NHSL2: variants seen among roughly 807,000 people sequenced by gnomAD.
The protein encoded by NHSL2 is NHS-like protein 2.
In NHSL2, 27 loss-of-function variants were observed where a neutral mutation model predicts 53.4. The observed-to-expected ratio is 0.51, with a 90% CI of 0.37 to 0.70. The LOEUF (loss-of-function observed/expected upper bound fraction) is 0.70, where lower values mean the gene tolerates loss of function less well. Among genes scored for constraint, NHSL2 ranks in the 30% least tolerant of loss-of-function variants. The pLI, the probability that NHSL2 is intolerant of heterozygous loss-of-function variation, is 0.00. For synonymous variants in NHSL2, 408 were observed against 404.1 expected, an observed-to-expected ratio of 1.01 and a Z score of -0.12; for missense variants, 892 against 980.1, an observed-to-expected ratio of 0.91 and a Z score of 1.20.
intron 1 of NHSL2, among the ~76,000 whole-genome samples, chrX:72,056,343 A>T (rs2042369089): frequency 8.9e-6 from 1 of 112,006 alleles, no homozygotes; most frequent in Admixed American, 9.4e-5. Flanking sequence ...TCCCTACAGT[A>T]GGTGACTGGT....
intron 1 of NHSL2, among the ~76,000 whole-genome samples, chrX:72,054,877 A>G (rs1000516434): frequency 1.8e-5 from 2 of 110,352 alleles, no homozygotes; most frequent in African/African-American, 6.6e-5. Context: ...AGTTAGCACA[A>G]TTTTTCTTCA....
intron 1 of NHSL2, among the ~76,000 whole-genome samples, chrX:71,978,720 C>T (rs1207142384): frequency 1.1e-5 from 1 of 92,992 alleles, no homozygotes; most frequent in Non-Finnish European, 2.1e-5. Context: ...TCTCCTATAT[C>T]TGTTGCCTCT....
chrX:72,139,180 T>G lies in NHSL2; in HGVS notation c.1632T>G (p.Ser544Arg). Residue 544 changes from serine to arginine, a missense_variant, in exon 6 of 8, where the codon AGT (serine) becomes AGG (arginine). Coordinates refer to ENST00000633930, the MANE Select transcript of NHSL2 (RefSeq NM_001013627.3). ...SNSADNIASL[S>R]AQQEAQHRRQ... ...GTGCTGACAACATTGCCTCCCTTAG[T>G]GCCCAGCAAGAGGCCCAGCACAGAA... 1 of 1,174,426 alleles carries G rather than the reference T, an allele frequency of 8.5e-7. No homozygotes were observed. Among genetic ancestry groups the G allele is most frequent in the East Asian group, 3.2e-5 (1 of 31,313 alleles).
At chrX:72,036,161 C>G (rs1211819904) in intron 1 of NHSL2, among the ~76,000 whole-genome samples, 1 of 112,369 alleles carries the variant, frequency 8.9e-6, no homozygotes, top group Non-Finnish European at 1.9e-5. Context: ...TTCCTTTAGC[C>G]ATGTTTCCAG....
intron 1 of NHSL2, among the ~76,000 whole-genome samples, chrX:72,097,333 T>C (rs12390630): frequency 0.018 from 1,978 of 111,956 alleles, 13 homozygotes; most frequent in Non-Finnish European, 0.028. Flanking sequence ...ATATCATTTG[T>C]TGTCATATTC....
At chrX:72,130,483 C>G in intron 1 of NHSL2, 3 of 1,210,888 alleles carry the variant, frequency 2.5e-6, no homozygotes, top group South Asian at 1.8e-5. Context: ...CCTGTGCCTG[C>G]GTGCCTCTTG....
chrX:71,981,536 C>A (rs866703626), intron 1 of NHSL2, among the ~76,000 whole-genome samples: 405 of 66,426 alleles, frequency 6.1e-3, no homozygotes, highest in South Asian at 0.012. Flanking sequence ...GACTCTGTCT[C>A]AAAAAAAAAA....
intron 1 of NHSL2, among the ~76,000 whole-genome samples, chrX:71,926,478 C>T (rs1340049701): frequency 9.1e-6 from 1 of 110,394 alleles, no homozygotes; most frequent in Non-Finnish European, 1.9e-5. Flanking sequence ...ACCGGGCACA[C>T]TTTGAACAAA....
intron 1 of NHSL2, among the ~76,000 whole-genome samples, chrX:72,085,360 T>G (rs996188635): frequency 2.7e-5 from 3 of 112,647 alleles, no homozygotes; most frequent in Non-Finnish European, 5.6e-5. Context: ...ACCTTTATTT[T>G]CTTAACCTGC....
At chrX:72,132,584 C>T (rs1368847729) in intron 2 of NHSL2, among the ~76,000 whole-genome samples, 1 of 110,020 alleles carries the variant, frequency 9.1e-6, no homozygotes, top group East Asian at 2.9e-4. Flanking sequence ...TGCCACATCG[C>T]CCATGCCTTT....
chrX:72,077,404 G>A lies in NHSL2; in HGVS notation c.281-54675G>A, dbSNP rs1261300966. ...CGAGGTTGGAAAGGTTGAGAGTCAT[G>A]ATGCTCAGAGCCAGAGGTCACACTG... On this transcript the variant is annotated intron_variant, in intron 1 of 7. Transcript: ENST00000633930. 4.5e-5 allele frequency among the ~76,000 whole-genome samples: 5 copies of A among 110,956 alleles called. No individual in the cohort carries two copies. In the East Asian group the frequency reaches 1.4e-3, roughly 31 times the overall value.
At chrX:71,990,206 T>C (rs1462731751) in intron 1 of NHSL2, among the ~76,000 whole-genome samples, 1 of 112,018 alleles carries the variant, frequency 8.9e-6, no homozygotes, top group Non-Finnish European at 1.9e-5. Flanking sequence ...AGGCACTGAA[T>C]GGGATTTCCC....
intron 1 of NHSL2, among the ~76,000 whole-genome samples, chrX:72,068,593 T>G: frequency 8.9e-6 from 1 of 112,314 alleles, no homozygotes; most frequent in Non-Finnish European, 1.9e-5. Context: ...ACCTGCCCGG[T>G]GTCGCTTATC....
At position 72,140,181 on chromosome X, in the gene NHSL2, C is replaced by T. The variant is rs1205723494; in HGVS notation, c.2633C>T (p.Ala878Val). 1 of 1,208,943 alleles carries T rather than the reference C, an allele frequency of 8.3e-7. No homozygotes were observed. Among genetic ancestry groups the T allele is most frequent in the East Asian group, 3.0e-5 (1 of 33,798 alleles). The change falls in exon 6 of 8, where the codon GCC becomes GTC. Residue 878 changes from alanine (A) to valine (V), a missense_variant. Coordinates refer to ENST00000633930, the MANE Select transcript of NHSL2 (RefSeq NM_001013627.3). ...CCCGTAGCTGAGAAGCCTCCGGTGG[C>T]CCGGAGGCCTCCAAGCTTGGTCCAC... ...KPPVAEKPPV[A>V]RRPPSLVHKP...
intron 1 of NHSL2, among the ~76,000 whole-genome samples, chrX:72,088,467 A>G (rs1436783130): frequency 1.8e-5 from 2 of 112,542 alleles, no homozygotes; most frequent in Non-Finnish European, 3.8e-5. Context: ...CTAAAAGGGT[A>G]TCAGTGATAT....
intron 1 of NHSL2, among the ~76,000 whole-genome samples, chrX:72,010,352 A>T (rs1430784076): frequency 8.9e-6 from 1 of 112,520 alleles, no homozygotes; most frequent in Non-Finnish European, 1.9e-5. Context: ...TAAGCAAAAC[A>T]GATATGCATT....
At chrX:71,933,270 G>T (rs976888314) in intron 1 of NHSL2, among the ~76,000 whole-genome samples, 12 of 111,964 alleles carry the variant, frequency 1.1e-4, no homozygotes, top group Non-Finnish European at 2.3e-4. Flanking sequence ...TACTGTTAGA[G>T]ACAAGGGTCA....
chrX:71,942,384 A>G (rs1036218996), intron 1 of NHSL2, among the ~76,000 whole-genome samples: 2 of 111,842 alleles, frequency 1.8e-5, no homozygotes, highest in South Asian at 7.5e-4. Context: ...AGGGGAAGGG[A>G]ATGTATTAAG....
intron 1 of NHSL2, among the ~76,000 whole-genome samples, chrX:72,117,931 T>C (rs1046130614): frequency 1.8e-5 from 2 of 109,992 alleles, no homozygotes; most frequent in African/African-American, 6.6e-5. Context: ...GCTATGAACA[T>C]TCATGTTCAA....
Sources: gnomAD v4.1 joint callset for allele counts (sites outside exome capture counted in the v4.1 genomes callset) on GRCh38, gnomAD v4.1.1 for gene constraint, MANE v1.5 for transcripts, NCBI Gene and HGNC (gene_info 2026-07-23, HGNC 2026-07-21) for gene names.